The following WWOX variants were observed in gnomAD, a reference collection of about 807,000 sequenced individuals.
WWOX encodes the protein WW domain containing oxidoreductase, also known as WW domain-containing oxidoreductase.
Under a neutral mutation model 46.2 loss-of-function variants are expected in WWOX, and 69 were observed. That is an observed-to-expected ratio of 1.49 (90% CI 1.23 to 1.82). The LOEUF (loss-of-function observed/expected upper bound fraction) is 1.82. Among genes scored for constraint, WWOX ranks in the 40% most tolerant of loss-of-function variants. The probability of loss-of-function intolerance (pLI) is 0.00; values close to 1 mark genes in which losing one functional copy is unlikely to be tolerated. For synonymous variants in WWOX, 359 were observed against 202.6 expected (o/e 1.77, Z -6.56); for missense variants, 919 against 542.6 (o/e 1.69, Z -6.89).
chr16:78,889,437 C>G (rs750830722), intron 8 of WWOX, among the ~76,000 whole-genome samples: 15 of 146,406 alleles, frequency 1.0e-4, no homozygotes, highest in Admixed American at 7.3e-5. Flanking sequence ...GAAACGCGAG[C>G]CGACTTGATG....
intron 8 of WWOX, among the ~76,000 whole-genome samples, chr16:79,102,889 C>T (rs978943233): frequency 3.3e-5 from 5 of 151,350 alleles, no homozygotes; most frequent in Non-Finnish European, 4.4e-5. Flanking sequence ...TACTTGGGCA[C>T]GCACATGCAA....
intron 8 of WWOX, among the ~76,000 whole-genome samples, chr16:78,464,775 C>T (rs1169243237): frequency 6.6e-6 from 1 of 152,142 alleles, no homozygotes; most frequent in African/African-American, 2.4e-5. Context: ...GAAATGGCCA[C>T]TGCAACTCTC....
intron 8 of WWOX, among the ~76,000 whole-genome samples, chr16:78,499,034 C>G (rs988067400): frequency 2.6e-5 from 4 of 152,244 alleles, no homozygotes; most frequent in African/African-American, 7.2e-5. Context: ...ATAGTTTGGC[C>G]TCTGGCAAAA....
chr16:78,846,899 C>T (rs1311884006), intron 8 of WWOX, among the ~76,000 whole-genome samples: 4 of 152,104 alleles, frequency 2.6e-5, no homozygotes, highest in Admixed American at 6.5e-5. Flanking sequence ...TCTTCTTCTC[C>T]ATTTATATTG....
intron 8 of WWOX, among the ~76,000 whole-genome samples, chr16:78,453,294 G>A (rs1428500262): frequency 1.3e-5 from 2 of 152,020 alleles, no homozygotes; most frequent in Admixed American, 6.5e-5. Flanking sequence ...CATGGTAGCG[G>A]TGCCTGTAAT....
Position 78,617,252 on chromosome 16 carries a change from A to G in WWOX, c.1056+184500A>G, listed in dbSNP as rs1189252201. ...CACGGTGAAACTAAGAATAGAAAAT[A>G]TTAGGTGGGCGTGGTGGCGTGCACC... On this transcript the variant is annotated intron_variant, in intron 8 of 8. Coordinates refer to ENST00000566780, the MANE Select transcript of WWOX (RefSeq NM_016373.4). Among the ~76,000 whole-genome samples the G allele has an allele frequency of 2.0e-5, 3 of 152,054 alleles. No individual in the cohort carries two copies. In the East Asian group the frequency reaches 5.8e-4, roughly 29 times the overall value.
intron 8 of WWOX, among the ~76,000 whole-genome samples, chr16:78,687,168 T>G (rs1271140229): frequency 1.3e-5 from 2 of 152,208 alleles, no homozygotes; most frequent in Admixed American, 6.5e-5. Flanking sequence ...GTGTTTCATA[T>G]TTACACTGTT....
chr16:78,479,012 C>G (rs1033265913), intron 8 of WWOX, among the ~76,000 whole-genome samples: 1 of 151,992 alleles, frequency 6.6e-6, no homozygotes, highest in African/African-American at 2.4e-5. Flanking sequence ...AGGCATATTG[C>G]CATGACTGTA....
Position 79,092,818 on chromosome 16 carries a change from T to TC in WWOX, c.1057-118787dup, listed in dbSNP as rs200625460. ...TGGCTCCTTCATAAACCCTAGGCCATCCCGAGGCTGTCTCACTCAGGCCCC... is the reference window on the plus strand; with the variant it reads ...TGGCTCCTTCATAAACCCTAGGCCATCCCCGAGGCTGTCTCACTCAGGCCCC... On this transcript the variant is annotated intron_variant, in intron 8 of 8. Coordinates refer to ENST00000566780, the MANE Select transcript of WWOX (RefSeq NM_016373.4). 5.3e-3 allele frequency among the ~76,000 whole-genome samples: 805 copies of TC among 152,212 alleles called. 32 individuals carry two copies. The highest frequency in any genetic ancestry group is 0.047 in the Admixed American group (721 of 15,292).
intron 8 of WWOX, among the ~76,000 whole-genome samples, chr16:78,858,010 C>G (rs1353848755): frequency 1.3e-5 from 2 of 151,954 alleles, no homozygotes; most frequent in African/African-American, 2.4e-5. Context: ...GTTATTTGAC[C>G]TATTACATTC....
At chr16:78,111,450 C>G (rs990754224) in intron 3 of WWOX, among the ~76,000 whole-genome samples, 5 of 152,176 alleles carry the variant, frequency 3.3e-5, no homozygotes, top group Admixed American at 3.3e-4. Context: ...GAGAAGTGAC[C>G]TAGAAGGCAA....
chr16:78,100,555 G>A (rs188918469), intron 1 of WWOX, among the ~76,000 whole-genome samples: 10 of 152,332 alleles, frequency 6.6e-5, no homozygotes, highest in Non-Finnish European at 1.3e-4. Flanking sequence ...CTAGCCAGGA[G>A]TATTTTTTAG....
chr16:78,248,164 G>C (rs1345372015), intron 5 of WWOX, among the ~76,000 whole-genome samples: 1 of 152,144 alleles, frequency 6.6e-6, no homozygotes, highest in Admixed American at 6.5e-5. Flanking sequence ...AGTTCCACAG[G>C]CTGTACAGGA....
At chr16:79,041,116 T>C (rs2047963028) in intron 8 of WWOX, among the ~76,000 whole-genome samples, 1 of 152,172 alleles carries the variant, frequency 6.6e-6, no homozygotes, top group Admixed American at 6.5e-5. Context: ...TGTTGTCATG[T>C]AATGTAACAC....
At chr16:79,098,042 C>G (rs914999091) in intron 8 of WWOX, among the ~76,000 whole-genome samples, 1 of 152,160 alleles carries the variant, frequency 6.6e-6, no homozygotes, top group Non-Finnish European at 1.5e-5. Context: ...TGTCCAATAT[C>G]TAGAGAGGCG....
intron 8 of WWOX, among the ~76,000 whole-genome samples, chr16:78,651,385 T>C (rs1191588914): frequency 6.6e-6 from 1 of 152,190 alleles, no homozygotes; most frequent in African/African-American, 2.4e-5. Flanking sequence ...GGATGTCAGG[T>C]TGAATACAAG....
chr16:78,677,714 G>A (rs1220310755), intron 8 of WWOX, among the ~76,000 whole-genome samples: 2 of 152,162 alleles, frequency 1.3e-5, no homozygotes, highest in African/African-American at 4.8e-5. Context: ...GGTCTATAAA[G>A]CATTTGGGCA....
chr16:78,331,886 A>G (rs1286089879), intron 5 of WWOX, among the ~76,000 whole-genome samples: 2 of 152,212 alleles, frequency 1.3e-5, no homozygotes, highest in African/African-American at 4.8e-5. Flanking sequence ...TTACAGACAC[A>G]GAAACTAAGA....
At chr16:78,180,204 A>G (rs918738701) in intron 5 of WWOX, among the ~76,000 whole-genome samples, 10 of 152,260 alleles carry the variant, frequency 6.6e-5, no homozygotes, top group African/African-American at 2.2e-4. Context: ...GATTTGGAAA[A>G]TCTCTAACTT....
Sources: allele counts gnomAD v4.1 joint callset (sites outside exome capture counted in the v4.1 genomes callset), GRCh38; gene constraint gnomAD v4.1.1; transcripts MANE v1.5; gene names NCBI Gene and HGNC (gene_info 2026-07-23, HGNC 2026-07-21).